The following CPQ variants were observed in gnomAD, a reference collection of about 807,000 sequenced individuals.
The protein encoded by CPQ is carboxypeptidase Q.
In CPQ, 37 loss-of-function variants were observed where a neutral mutation model predicts 45.7. The ratio of observed to expected loss-of-function variants is 0.81; its 90% confidence interval spans 0.62 to 1.07. CPQ has a LOEUF of 1.07. Ranked by LOEUF, CPQ falls within the 50% of genes least tolerant of loss-of-function variation. The pLI, the probability that CPQ is intolerant of heterozygous loss-of-function variation, is 0.00. For synonymous variants in CPQ, 186 were observed against 205.8 expected (o/e 0.90, Z 0.82); for missense variants, 537 against 572.9 (o/e 0.94, Z 0.64).
chr8:96,955,126 C>A (rs1813335731), intron 4 of CPQ, among the ~76,000 whole-genome samples: 1 of 152,090 alleles, frequency 6.6e-6, no homozygotes, highest in African/African-American at 2.4e-5. Context: ...AATGGGATGG[C>A]TGGGTCAAAT....
intron 5 of CPQ, among the ~76,000 whole-genome samples, chr8:96,998,073 G>A (rs774450137): frequency 1.3e-5 from 2 of 151,836 alleles, no homozygotes; most frequent in African/African-American, 2.4e-5. Flanking sequence ...CCTACACTAT[G>A]CAGCAACCTG....
chr8:96,708,502 A>G (rs1469312647), intron 1 of CPQ, among the ~76,000 whole-genome samples: 2 of 151,832 alleles, frequency 1.3e-5, no homozygotes, highest in Non-Finnish European at 2.9e-5. Flanking sequence ...CCAACACAGT[A>G]TAGGGTCTCA....
At chr8:96,765,405 G>A (rs548507560) in intron 1 of CPQ, among the ~76,000 whole-genome samples, 116 of 152,134 alleles carry the variant, frequency 7.6e-4, no homozygotes, top group African/African-American at 2.7e-3. Flanking sequence ...ACATTTTGAA[G>A]TTGTGACAGT....
intron 1 of CPQ, among the ~76,000 whole-genome samples, chr8:96,724,595 G>T (rs1452074368): frequency 6.6e-6 from 1 of 151,710 alleles, no homozygotes; most frequent in Admixed American, 6.6e-5. Context: ...ACTGCTGAAA[G>T]AAATCATAGA....
In CPQ at chr8:97,082,638, G is replaced by A. The variant is rs945785460; in HGVS notation, c.1255+16428G>A. On this transcript the variant is annotated intron_variant, in intron 7 of 7. Coordinates refer to ENST00000220763, the MANE Select transcript of CPQ (RefSeq NM_016134.4). ...CTATGCACAATAATCACCCCTTAAG[G>A]TGAATTTAAGATCACAGAAGTGTGC... Among the ~76,000 whole-genome samples the A allele has an allele frequency of 1.1e-4, 17 of 152,170 alleles. No individual in the cohort carries two copies. In the East Asian group the frequency reaches 1.2e-3, roughly 10 times the overall value.
At chr8:96,939,330 C>T (rs1424801455) in intron 4 of CPQ, among the ~76,000 whole-genome samples, 1 of 152,134 alleles carries the variant, frequency 6.6e-6, no homozygotes, top group Non-Finnish European at 1.5e-5. Flanking sequence ...AGAGCTCAGG[C>T]AGTAATGCTC....
chr8:97,122,945 AT>A (rs1212161427), intron 7 of CPQ, among the ~76,000 whole-genome samples: 3 of 85,256 alleles, frequency 3.5e-5, no homozygotes, highest in African/African-American at 1.9e-4. Flanking sequence ...ATAAAATAAA[AT>A]AAAATAAAAT....
chr8:96,725,717 G>A (rs4735434), intron 1 of CPQ, among the ~76,000 whole-genome samples: 88,430 of 151,972 alleles, frequency 0.58, 26,199 homozygotes, highest in East Asian at 0.86. Context: ...ATTCAACCCA[G>A]CAATCCCATT....
intron 4 of CPQ, among the ~76,000 whole-genome samples, chr8:96,921,842 A>C (rs994919265): frequency 6.6e-6 from 1 of 152,210 alleles, no homozygotes; most frequent in Non-Finnish European, 1.5e-5. Flanking sequence ...TTAGTGCACT[A>C]TCTTATTCAT....
chr8:96,807,426 G>C (rs1353915156), intron 2 of CPQ, among the ~76,000 whole-genome samples: 2 of 151,866 alleles, frequency 1.3e-5, no homozygotes, highest in East Asian at 3.9e-4. Flanking sequence ...GTAGAGACGG[G>C]GTTTCACCGT....
chr8:96,858,352 G>A (rs1394585116), intron 3 of CPQ, among the ~76,000 whole-genome samples: 2 of 152,114 alleles, frequency 1.3e-5, no homozygotes, highest in Admixed American at 1.3e-4. Flanking sequence ...GTGCATCTGT[G>A]TTTGCTTTTA....
intron 4 of CPQ, among the ~76,000 whole-genome samples, chr8:96,897,823 G>T (rs1011980081): frequency 2.0e-5 from 3 of 152,084 alleles, no homozygotes; most frequent in African/African-American, 7.2e-5. Context: ...TTGGTTGGTT[G>T]GTTTTTGCAG....
At chr8:96,891,591 C>T (rs1207610575) in intron 4 of CPQ, among the ~76,000 whole-genome samples, 6 of 152,156 alleles carry the variant, frequency 3.9e-5, no homozygotes, top group Non-Finnish European at 1.5e-5. Context: ...TTATCCTGTC[C>T]ACTTGATTAT....
intron 1 of CPQ, among the ~76,000 whole-genome samples, chr8:96,770,333 A>G (rs563238013): frequency 6.6e-6 from 1 of 152,168 alleles, no homozygotes; most frequent in African/African-American, 2.4e-5. Flanking sequence ...CTAACCTGCT[A>G]TCACTGTAGT....
chr8:96,984,000 C>T (rs945169195), intron 5 of CPQ, among the ~76,000 whole-genome samples: 1 of 151,916 alleles, frequency 6.6e-6, no homozygotes, highest in African/African-American at 2.4e-5. Context: ...ATTAAAGTTG[C>T]TATTTTGCTC....
intron 1 of CPQ, among the ~76,000 whole-genome samples, chr8:96,705,687 A>G (rs1378962414): frequency 6.6e-6 from 1 of 152,020 alleles, no homozygotes; most frequent in Non-Finnish European, 1.5e-5. Context: ...GTCTCCCAAT[A>G]GTCCCTTTCC....
At chr8:96,885,015 A>T (rs2130885014) in intron 4 of CPQ, among the ~76,000 whole-genome samples, 1 of 152,302 alleles carries the variant, frequency 6.6e-6, no homozygotes. Context: ...GGCAGAGGGG[A>T]GGAAAGTGGG....
At chr8:96,889,103 A>G (rs1812341081) in intron 4 of CPQ, among the ~76,000 whole-genome samples, 1 of 152,202 alleles carries the variant, frequency 6.6e-6, no homozygotes. Flanking sequence ...GGGACAGCCC[A>G]CGGTGGGTCT....
chr8:97,080,913 T>TTTCC (rs376433211), intron 7 of CPQ, among the ~76,000 whole-genome samples: 1 of 151,770 alleles, frequency 6.6e-6, no homozygotes, highest in Non-Finnish European at 1.5e-5. Flanking sequence ...CCCACCCTTC[T>TTTCC]TTCCTTCCTT....
Sources: gnomAD v4.1 joint callset for allele counts (sites outside exome capture counted in the v4.1 genomes callset) on GRCh38, gnomAD v4.1.1 for gene constraint, MANE v1.5 for transcripts, NCBI Gene and HGNC (gene_info 2026-07-23, HGNC 2026-07-21) for gene names.